ASTN1: variants seen among roughly 807,000 people sequenced by gnomAD.
ASTN1 encodes astrotactin 1, also known as astrotactin-1.
Under a neutral mutation model 140.7 loss-of-function variants are expected in ASTN1, and 41 were observed. That is an observed-to-expected ratio of 0.29 (90% CI 0.23 to 0.38). The LOEUF (loss-of-function observed/expected upper bound fraction) is 0.38, where lower values mean the gene tolerates loss of function less well. Among genes scored for constraint, ASTN1 ranks in the 10% least tolerant of loss-of-function variants. ASTN1 has a pLI of 1.00. For missense variants in ASTN1, 1,479 were observed against 1,678.8 expected (o/e 0.88, Z 2.08); for synonymous variants, 640 against 652.2 (o/e 0.98, Z 0.29).
intron 1 of ASTN1, among the ~76,000 whole-genome samples, chr1:177,123,589 T>G (rs909270793): frequency 6.6e-6 from 1 of 152,174 alleles, no homozygotes; most frequent in Non-Finnish European, 1.5e-5. Flanking sequence ...CCACAGATCA[T>G]GGAAGGTGGA....
chr1:177,031,089 G>T, intron 3 of ASTN1, 137 bp from the exon 4 acceptor site: 1 of 944,594 alleles, frequency 1.1e-6, no homozygotes, highest in Non-Finnish European at 1.5e-6. Flanking sequence ...GAGACTGGCT[G>T]CAAGAAACTG....
chr1:176,991,417 AAAAAAAAAAAAAAAAAACC>A (rs1170122752), intron 8 of ASTN1, among the ~76,000 whole-genome samples: 6 of 11,324 alleles, frequency 5.3e-4, no homozygotes, highest in African/African-American at 1.1e-3. Flanking sequence ...CTGTCTCAAA[AAAAAAAAAAAAAAAAAACC>A]AAAAAAAAAA....
At chr1:176,959,101 A>AT (rs140325039) in intron 9 of ASTN1, among the ~76,000 whole-genome samples, 5,615 of 150,970 alleles carry the variant, frequency 0.037, 328 homozygotes, top group African/African-American at 0.13. Context: ...TACAGGGAAG[A>AT]TTTTTTTTTT....
intron 7 of ASTN1, among the ~76,000 whole-genome samples, chr1:177,022,384 C>T (rs576433996): frequency 6.6e-6 from 1 of 152,294 alleles, no homozygotes; most frequent in African/African-American, 2.4e-5. Context: ...GATCATACTA[C>T]TTTGGGAAGG....
intron 1 of ASTN1, among the ~76,000 whole-genome samples, chr1:177,122,176 C>T (rs918543758): frequency 2.6e-5 from 4 of 152,010 alleles, no homozygotes; most frequent in African/African-American, 7.3e-5. Context: ...AAGGAAGTAG[C>T]GAGGGTAAAC....
chr1:177,074,729 GTTTTAT>G, intron 1 of ASTN1, among the ~76,000 whole-genome samples: 1 of 152,148 alleles, frequency 6.6e-6, no homozygotes, highest in Non-Finnish European at 1.5e-5. Context: ...GCACGTATGT[GTTTTAT>G]GCAGCACCAG....
At chr1:176,882,625 TC>T (rs1039739600) in intron 20 of ASTN1, among the ~76,000 whole-genome samples, 12 of 152,156 alleles carry the variant, frequency 7.9e-5, no homozygotes, top group African/African-American at 2.9e-4. Flanking sequence ...TTTATATCTT[TC>T]CCCTCTATGT....
At chr1:176,920,516 G>C (rs190285404) in intron 16 of ASTN1, among the ~76,000 whole-genome samples, 1 of 152,096 alleles carries the variant, frequency 6.6e-6, no homozygotes, top group Non-Finnish European at 1.5e-5. Context: ...AGTGCCTTTC[G>C]GGGTCCCTCT....
intron 8 of ASTN1, among the ~76,000 whole-genome samples, chr1:176,982,985 G>A (rs940007725): frequency 2.0e-5 from 3 of 152,156 alleles, no homozygotes; most frequent in Non-Finnish European, 2.9e-5. Flanking sequence ...TGATGATTGA[G>A]GGGGGATTTG....
chr1:176,882,240 A>T (rs1668832883), intron 20 of ASTN1, among the ~76,000 whole-genome samples: 1 of 152,238 alleles, frequency 6.6e-6, no homozygotes, highest in Admixed American at 6.5e-5. Flanking sequence ...CTTCAATGCC[A>T]TTGGAGCTAG....
chr1:176,897,481 T>C (rs760622734), intron 16 of ASTN1, among the ~76,000 whole-genome samples: 21 of 152,070 alleles, frequency 1.4e-4, no homozygotes, highest in Non-Finnish European at 2.4e-4. Context: ...CCCTCCTTGT[T>C]GAGAATTTGT....
chr1:177,079,823 C>T (rs1385837436), intron 1 of ASTN1, among the ~76,000 whole-genome samples: 1 of 152,122 alleles, frequency 6.6e-6, no homozygotes, highest in Non-Finnish European at 1.5e-5. Flanking sequence ...CAAGGTTATA[C>T]AGAACGTTCG....
intron 1 of ASTN1, among the ~76,000 whole-genome samples, chr1:177,092,322 A>C (rs534207075): frequency 6.6e-6 from 1 of 152,254 alleles, no homozygotes; most frequent in Admixed American, 6.5e-5. Flanking sequence ...GTCTGTTCAA[A>C]TCTTTGACCA....
intron 1 of ASTN1, among the ~76,000 whole-genome samples, chr1:177,088,493 A>G (rs1376081143): frequency 6.6e-6 from 1 of 152,200 alleles, no homozygotes; most frequent in East Asian, 1.9e-4. Context: ...GAATGTGGCT[A>G]GCGTCATCCT....
intron 2 of ASTN1, among the ~76,000 whole-genome samples, chr1:177,034,263 AC>A (rs1360564364): frequency 6.6e-6 from 1 of 151,488 alleles, no homozygotes; most frequent in African/African-American, 2.4e-5. Context: ...ACACACACAC[AC>A]ACACACACAC....
intron 1 of ASTN1, among the ~76,000 whole-genome samples, chr1:177,108,568 T>C (rs1182475670): frequency 6.6e-6 from 1 of 152,114 alleles, no homozygotes; most frequent in Admixed American, 6.5e-5. Flanking sequence ...TGTGTGTGTA[T>C]ACCCACTCCC....
intron 2 of ASTN1, among the ~76,000 whole-genome samples, chr1:177,057,694 CTG>C (rs1677880599): frequency 6.6e-6 from 1 of 152,002 alleles, no homozygotes; most frequent in Non-Finnish European, 1.5e-5. Context: ...AATTTGAAAA[CTG>C]TATCAATATT....
At chr1:177,115,592 G>T (rs1681045131) in intron 1 of ASTN1, among the ~76,000 whole-genome samples, 1 of 151,806 alleles carries the variant, frequency 6.6e-6, no homozygotes, top group Non-Finnish European at 1.5e-5. Context: ...AGGAGGTGGA[G>T]GTTGCAGGGA....
At chr1:177,124,785 G>C (rs1681564952) in intron 1 of ASTN1, among the ~76,000 whole-genome samples, 1 of 152,310 alleles carries the variant, frequency 6.6e-6, no homozygotes, top group Non-Finnish European at 1.5e-5. Context: ...ACCACTAAAA[G>C]GGGCAATAAC....
Sources: allele counts gnomAD v4.1 joint callset (sites outside exome capture counted in the v4.1 genomes callset), GRCh38; gene constraint gnomAD v4.1.1; transcripts MANE v1.5; gene names NCBI Gene and HGNC (gene_info 2026-07-23, HGNC 2026-07-21).